The following AP3B1 variants were observed in gnomAD, a reference collection of about 807,000 sequenced individuals.
The protein encoded by AP3B1 is adaptor related protein complex 3 subunit beta 1.
A neutral mutation model predicts 132.5 loss-of-function variants in AP3B1; 61 were observed. The ratio of observed to expected loss-of-function variants is 0.46; its 90% CI spans 0.37 to 0.57. The LOEUF (loss-of-function observed/expected upper bound fraction) is 0.57, where lower values mean the gene tolerates loss of function less well. Ranked by LOEUF, AP3B1 falls within the 20% of genes least tolerant of loss-of-function variation. The pLI, the probability that AP3B1 is intolerant of heterozygous loss-of-function variation, is 0.00. For missense variants in AP3B1, 1,120 were observed against 1,289.4 expected (o/e 0.87, Z 2.01); for synonymous variants, 388 against 438.3 (o/e 0.89, Z 1.43).
intron 9 of AP3B1, 40 bp downstream of exon 9, chr5:78,177,299 G>T: frequency 7.5e-7 from 1 of 1,325,408 alleles, no homozygotes. Context: ...TACTTTTGAA[G>T]GAATACAAAA....
chr5:78,037,139 A>G (rs1747840141), intron 23 of AP3B1, among the ~76,000 whole-genome samples: 2 of 152,160 alleles, frequency 1.3e-5, no homozygotes, highest in Admixed American at 6.5e-5. Flanking sequence ...AATTTATTAT[A>G]TTTATTTCTT....
rs1743444781 is a variant in AP3B1 at position 78,162,877 on chromosome 5, G to C, written c.1305C>G (p.Ile435Met). 3 of 1,613,904 alleles carry C rather than the reference G, an allele frequency of 1.9e-6. No individual in the cohort carries two copies. The African/African-American group carries it at 4.0e-5, about 22-fold the overall frequency. ...TGAGGCACGTGTCAGTGACTTCCAA[G>C]ATGTTGGTTGCACATCTGCCTATAG... Reference protein sequence around the residue: ...IQTIGRCATNILEVTDTCLNG... With the variant: ...IQTIGRCATNMLEVTDTCLNG... Residue 435 changes from isoleucine to methionine, a missense_variant, in exon 13 of 27, where the codon ATC (isoleucine) becomes ATG (methionine). This residue lies in a region of AP3B1 where 906 missense variants were observed against 997.1 expected (regional missense o/e 0.91). Transcript: ENST00000255194.
chr5:78,266,010 A>G lies in AP3B1; in HGVS notation c.204+1510T>C, dbSNP rs77375490. Among the ~76,000 whole-genome samples the G allele has an allele frequency of 8.7e-3, 1,323 of 152,354 alleles. 18 individuals carry two copies. Among genetic ancestry groups the G allele is most frequent in the African/African-American group, 0.03 (1,258 of 41,588 alleles). On this transcript the variant is annotated intron_variant, in intron 2 of 26. Coordinates refer to ENST00000255194, the MANE Select transcript of AP3B1 (RefSeq NM_003664.5). ...CAACTACATGCTTTGTTGTCTGTGC[A>G]TAAACTGAGTAACAGATGCACAGTG...
At chr5:78,239,192 C>T (rs1396819838) in intron 3 of AP3B1, among the ~76,000 whole-genome samples, 3 of 151,952 alleles carry the variant, frequency 2.0e-5, no homozygotes. Flanking sequence ...AGAATCAGCC[C>T]AGGCACGATG....
chr5:78,099,974 A>AC (rs775961176), intron 21 of AP3B1, among the ~76,000 whole-genome samples: 2 of 152,112 alleles, frequency 1.3e-5, no homozygotes, highest in African/African-American at 2.4e-5. Flanking sequence ...AAAGAGCTGT[A>AC]CCTATTTATA....
At chr5:78,118,046 T>G (rs1031630374) in intron 17 of AP3B1, among the ~76,000 whole-genome samples, 1 of 152,188 alleles carries the variant, frequency 6.6e-6, no homozygotes, top group African/African-American at 2.4e-5. Context: ...GAATGTACAA[T>G]AGAATCACCT....
chr5:78,067,953 G>GGA (rs1749361419), intron 22 of AP3B1, among the ~76,000 whole-genome samples: 1 of 141,668 alleles, frequency 7.1e-6, no homozygotes. Flanking sequence ...AAAACCCTTC[G>GGA]AAAAAAAAAA....
intron 21 of AP3B1, among the ~76,000 whole-genome samples, chr5:78,090,443 C>G (rs929980311): frequency 2.0e-5 from 3 of 152,170 alleles, no homozygotes; most frequent in African/African-American, 4.8e-5. Context: ...CGTCTTGGAG[C>G]CTTTTATATT....
chr5:78,224,360 T>G lies in AP3B1; in HGVS notation c.603+1182A>C, dbSNP rs545240143. 4.6e-5 allele frequency among the ~76,000 whole-genome samples: 7 copies of G among 151,842 alleles called. No homozygotes were observed. The South Asian group carries it at 1.5e-3, about 32-fold the overall frequency. ...GTATAAGACAATATTTTCAAAAATA[T>G]ATAGTAAAAAAACCATGAAAAGAAT... is the stretch of plus-strand genomic sequence containing the variant. On this transcript the variant is annotated intron_variant, in intron 6 of 26. Transcript: ENST00000255194.
intron 26 of AP3B1, chr5:78,003,575 T>A: frequency 3.5e-6 from 1 of 287,310 alleles, no homozygotes; most frequent in Non-Finnish European, 5.2e-6. Flanking sequence ...TTCACTCATG[T>A]AACAATATTC....
rs80024506 is a variant in AP3B1, at chr5:78,228,325, C to G, written c.280-86G>C. The G allele has an allele frequency of 4.5e-4, 373 of 837,184 alleles. No homozygotes were observed. In the African/African-American group the frequency reaches 5.7e-3, roughly 13 times the overall value. The allele number at this position is 837,184 out of a possible 1,614,324, so 51.9% of individuals were successfully genotyped here. On this transcript the variant is annotated intron_variant, in intron 3 of 26. Transcript: ENST00000255194. ...ATACCAAAATCCATGCTCAATTCTT[C>G]TCAAGTAAATAACTGAATCTGGTCA...
chr5:78,266,898 G>A (rs1008567764), intron 2 of AP3B1, among the ~76,000 whole-genome samples: 3 of 151,416 alleles, frequency 2.0e-5, no homozygotes, highest in African/African-American at 7.3e-5. Context: ...CTAGAACCCT[G>A]GAAAAATAAA....
At chr5:78,180,281 T>C (rs1353534017) in intron 8 of AP3B1, among the ~76,000 whole-genome samples, 1 of 152,096 alleles carries the variant, frequency 6.6e-6, no homozygotes, top group Non-Finnish European at 1.5e-5. Context: ...AATCAATTCA[T>C]TAAGAATTGT....
chr5:78,181,283 A>G (rs1425974066), intron 8 of AP3B1, among the ~76,000 whole-genome samples: 2 of 152,124 alleles, frequency 1.3e-5, no homozygotes, highest in African/African-American at 4.8e-5. Context: ...ACCTGGAAAC[A>G]TGGAAGGCTG....
At chr5:78,291,332 T>C (rs182929767) in intron 1 of AP3B1, among the ~76,000 whole-genome samples, 21 of 150,200 alleles carry the variant, frequency 1.4e-4, no homozygotes, top group African/African-American at 5.1e-4. Context: ...GTTCAGGAGA[T>C]TGATCAATGG....
chr5:78,102,170 A>G (rs1751159001), intron 20 of AP3B1, among the ~76,000 whole-genome samples: 2 of 152,136 alleles, frequency 1.3e-5, no homozygotes, highest in African/African-American at 4.8e-5. Context: ...CGGTACCACT[A>G]AAGCAAAATA....
intron 22 of AP3B1, chr5:78,043,604 A>C: frequency 2.1e-6 from 1 of 485,176 alleles, no homozygotes; most frequent in African/African-American, 2.0e-5. Context: ...TTTAAGGTGG[A>C]GGGTCACTTT....
At chr5:78,219,225 G>C (rs1237006210) in intron 6 of AP3B1, among the ~76,000 whole-genome samples, 2 of 151,984 alleles carry the variant, frequency 1.3e-5, no homozygotes, top group African/African-American at 4.8e-5. Context: ...TTTTCTATCA[G>C]AAAGTTCGAT....
chr5:78,085,056 CTAAT>C (rs1233335159), intron 22 of AP3B1, among the ~76,000 whole-genome samples: 1 of 152,144 alleles, frequency 6.6e-6, no homozygotes, highest in Non-Finnish European at 1.5e-5. Flanking sequence ...CTGTGTAATT[CTAAT>C]TATTTCCTTA....
Sources: allele counts gnomAD v4.1 joint callset (sites outside exome capture counted in the v4.1 genomes callset), GRCh38; gene constraint gnomAD v4.1.1; regional missense constraint gnomAD v4.1.1; transcripts MANE v1.5; gene names NCBI Gene and HGNC (gene_info 2026-07-23, HGNC 2026-07-21).